The following SLC4A1AP variants were observed in gnomAD, a reference collection of about 807,000 sequenced individuals.
SLC4A1AP encodes the protein kanadaptin.
SLC4A1AP carries 64 observed loss-of-function variants against 89.7 expected under a neutral mutation model. The observed-to-expected ratio is 0.71, with a 90% CI of 0.58 to 0.88. The LOEUF is 0.88. Ranked by LOEUF, SLC4A1AP falls within the 40% of genes least tolerant of loss-of-function variation. The pLI, the probability that SLC4A1AP is intolerant of heterozygous loss-of-function variation, is 0.00. For synonymous variants in SLC4A1AP, 366 were observed against 353.3 expected (o/e 1.04, Z -0.40); for missense variants, 931 against 965.0 (o/e 0.96, Z 0.47).
chr2:27,667,726 G>A (rs964471376), intron 3 of SLC4A1AP, among the ~76,000 whole-genome samples: 1 of 151,948 alleles, frequency 6.6e-6, no homozygotes, highest in Admixed American at 6.5e-5. Flanking sequence ...TTTTAATTCC[G>A]AATTCACCTG....
At chr2:27,693,734 G>C in exon 13 of SLC4A1AP, 1 of 1,612,456 alleles carries the variant, frequency 6.2e-7, no homozygotes, top group South Asian at 1.1e-5. Flanking sequence ...CCAGACTACT[G>C]TGTGTGGGTC....
At chr2:27,675,753 GTAT>G in intron 6 of SLC4A1AP, 61 bp downstream of exon 6, 2 of 1,076,098 alleles carry the variant, frequency 1.9e-6, no homozygotes, top group Non-Finnish European at 2.5e-6. Flanking sequence ...ATAACATAAT[GTAT>G]TATTTAAATA....
At chr2:27,666,377 G>A (rs983382035) in intron 2 of SLC4A1AP, among the ~76,000 whole-genome samples, 10 of 10,554 alleles carry the variant, frequency 9.5e-4, no homozygotes, top group Non-Finnish European at 1.0e-3. Flanking sequence ...CCCCCACCCC[G>A]CCCCCCGGCC....
chr2:27,665,017 A>T, intron 1 of SLC4A1AP, 83 bp from the exon 2 acceptor site: 1 of 1,094,004 alleles, frequency 9.1e-7, no homozygotes, highest in South Asian at 1.5e-5. Flanking sequence ...TATTACAGCC[A>T]CTGCACTCCA....
At chr2:27,677,470 T>G (rs1675542931) in intron 7 of SLC4A1AP, 106 bp downstream of exon 7, 1 of 794,334 alleles carries the variant, frequency 1.3e-6, no homozygotes, top group Admixed American at 2.6e-5. Context: ...TATGGAGCCT[T>G]TTAAAGGAGC....
At chr2:27,687,010 C>T (rs1216346575) in intron 10 of SLC4A1AP, among the ~76,000 whole-genome samples, 4 of 152,108 alleles carry the variant, frequency 2.6e-5, no homozygotes, top group Non-Finnish European at 5.9e-5. Flanking sequence ...CCCTATGTTG[C>T]TCAAGCTGGT....
exon 2 of SLC4A1AP, chr2:27,665,146 A>C: frequency 1.9e-6 from 3 of 1,613,894 alleles, no homozygotes; most frequent in South Asian, 2.2e-5. Context: ...ACAGTAACAC[A>C]GTTGAAGGAA....
chr2:27,693,616 C>A, intron 12 of SLC4A1AP, 69 bp from the exon 13 acceptor site: 2 of 1,258,182 alleles, frequency 1.6e-6, no homozygotes, highest in Non-Finnish European at 2.3e-6. Context: ...GGACCCCAAT[C>A]CCTTCTGCAG....
intron 10 of SLC4A1AP, among the ~76,000 whole-genome samples, chr2:27,685,512 T>C (rs759560636): frequency 3.9e-5 from 6 of 152,146 alleles, no homozygotes; most frequent in Non-Finnish European, 5.9e-5. Flanking sequence ...TTACAGAAAA[T>C]TGAAGGCTAT....
At chr2:27,687,157 C>T (rs1039437723) in intron 10 of SLC4A1AP, among the ~76,000 whole-genome samples, 1 of 151,902 alleles carries the variant, frequency 6.6e-6, no homozygotes, top group Non-Finnish European at 1.5e-5. Flanking sequence ...TTAGACTATT[C>T]TTTTTAAAAT....
In SLC4A1AP at chr2:27,680,207, A is replaced by G. The variant is rs148890357; in HGVS notation, c.1764-2041A>G. ...GTATCTCTGGAAAGATTCGTTAAAA[A>G]TTAATAATATTGATTGCCAATGGGG... On this transcript the variant is annotated intron_variant, in intron 8 of 13. Transcript: ENST00000613058. Among the ~76,000 whole-genome samples the G allele has an allele frequency of 6.8e-3, 1,037 of 152,308 alleles. 16 individuals are homozygous for G. The highest frequency in any genetic ancestry group is 0.024 in the African/African-American group (983 of 41,558).
intron 9 of SLC4A1AP, 82 bp downstream of exon 9, chr2:27,682,441 C>T: frequency 1.3e-6 from 1 of 761,660 alleles, no homozygotes; most frequent in South Asian, 1.7e-5. Flanking sequence ...TTTGAAACTA[C>T]AAATGACTCA....
At chr2:27,669,335 A>G in exon 5 of SLC4A1AP, 1 of 1,613,556 alleles carries the variant, frequency 6.2e-7, no homozygotes, top group South Asian at 1.1e-5. Context: ...TCCAGTGCTC[A>G]TTGGAAGCTT....
At chr2:27,664,102 A>C (rs1675253805) in exon 1 of SLC4A1AP, 3 of 1,614,040 alleles carry the variant, frequency 1.9e-6, no homozygotes, top group Non-Finnish European at 2.5e-6. Flanking sequence ...GGGGAGCCCG[A>C]CATCCCTCCT....
intron 12 of SLC4A1AP, chr2:27,692,377 C>A (rs112223133): frequency 6.6e-6 from 1 of 152,152 alleles, no homozygotes; most frequent in Non-Finnish European, 1.5e-5. Context: ...GATATGATTT[C>A]AATTTTTTTA....
At chr2:27,684,753 G>A (rs1217796468) in intron 9 of SLC4A1AP, among the ~76,000 whole-genome samples, 1 of 152,138 alleles carries the variant, frequency 6.6e-6, no homozygotes, top group Non-Finnish European at 1.5e-5. Context: ...CAGAATTCCT[G>A]TAGCTGGCAC....
chr2:27,664,489 A>C, exon 1 of SLC4A1AP: 6 of 1,614,060 alleles, frequency 3.7e-6, no homozygotes, highest in Non-Finnish European at 5.1e-6. Flanking sequence ...TTTCTCAACA[A>C]AACTCGCATC....
chr2:27,681,779 C>T (rs1446745639), intron 8 of SLC4A1AP, among the ~76,000 whole-genome samples: 1 of 152,158 alleles, frequency 6.6e-6, no homozygotes, highest in Non-Finnish European at 1.5e-5. Context: ...GTCATTACTA[C>T]ACTGGGTATC....
chr2:27,681,205 G>A (rs1243859044), intron 8 of SLC4A1AP, among the ~76,000 whole-genome samples: 1 of 152,190 alleles, frequency 6.6e-6, no homozygotes, highest in Non-Finnish European at 1.5e-5. Context: ...AGGGTGTGAA[G>A]GATAATGATT....
Sources: allele counts gnomAD v4.1 joint callset (sites outside exome capture counted in the v4.1 genomes callset), GRCh38; gene constraint gnomAD v4.1.1; transcripts MANE v1.5; gene names NCBI Gene and HGNC (gene_info 2026-07-23, HGNC 2026-07-21).